EIF2B3: variants seen among roughly 807,000 people sequenced by gnomAD.
EIF2B3 encodes eukaryotic translation initiation factor 2B subunit gamma.
A neutral mutation model predicts 54.1 loss-of-function variants in EIF2B3; 20 were observed. The ratio of observed to expected loss-of-function variants is 0.37; its 90% CI spans 0.26 to 0.54. The LOEUF (loss-of-function observed/expected upper bound fraction) is 0.54. Ranked by LOEUF, EIF2B3 falls within the 20% of genes least tolerant of loss-of-function variation. The pLI is 0.86. For synonymous variants in EIF2B3, 153 were observed against 188.1 expected, an observed-to-expected ratio of 0.81 and a Z score of 1.52; for missense variants, 448 against 547.8, an observed-to-expected ratio of 0.82 and a Z score of 1.82.
intron 5 of EIF2B3, among the ~76,000 whole-genome samples, chr1:44,915,494 TG>T (rs1241336195): frequency 6.6e-6 from 1 of 151,692 alleles, no homozygotes; most frequent in African/African-American, 2.4e-5. Context: ...CCTAAGCAGC[TG>T]GGATTAAAGA....
intron 10 of EIF2B3, among the ~76,000 whole-genome samples, chr1:44,867,616 A>G (rs74073426): frequency 4.6e-5 from 7 of 152,208 alleles, no homozygotes; most frequent in African/African-American, 1.7e-4. Flanking sequence ...GTCTCACTTG[A>G]CTGCAATTTA....
At chr1:44,922,836 ATTTTTTTTT>A (rs386366852) in intron 5 of EIF2B3, among the ~76,000 whole-genome samples, 5 of 56,642 alleles carry the variant, frequency 8.8e-5, no homozygotes, top group South Asian at 9.1e-4. Flanking sequence ...TCTTTTTCAG[ATTTTTTTTT>A]TTTTTTTTTT....
chr1:44,856,921 C>T (rs899011072), intron 11 of EIF2B3, among the ~76,000 whole-genome samples: 1 of 152,212 alleles, frequency 6.6e-6, no homozygotes, highest in Non-Finnish European at 1.5e-5. Context: ...CCTCCTGCCT[C>T]AGCCTCTTGA....
At chr1:44,910,619 C>T (rs1166458810) in intron 5 of EIF2B3, among the ~76,000 whole-genome samples, 2 of 150,142 alleles carry the variant, frequency 1.3e-5, no homozygotes, top group African/African-American at 2.4e-5. Context: ...CTCCCCACCC[C>T]CCCAAGTAAT....
chr1:44,981,978 T>C (rs575074518), intron 1 of EIF2B3, among the ~76,000 whole-genome samples: 22 of 129,854 alleles, frequency 1.7e-4, no homozygotes, highest in African/African-American at 5.8e-4. Context: ...AAAAAGAAAA[T>C]ATTAAAAGAT....
chr1:44,946,726 G>A (rs946360323), intron 3 of EIF2B3, among the ~76,000 whole-genome samples: 1 of 150,012 alleles, frequency 6.7e-6, no homozygotes, highest in Non-Finnish European at 1.5e-5. Flanking sequence ...GCCTCCCAAA[G>A]TGCTGGAATT....
At chr1:44,980,262 A>G (rs570076031) in intron 2 of EIF2B3, among the ~76,000 whole-genome samples, 1 of 152,288 alleles carries the variant, frequency 6.6e-6, no homozygotes, top group East Asian at 1.9e-4. Context: ...CCTGAGATCG[A>G]GACCATTCTA....
In EIF2B3 at chr1:44,874,674, A is replaced by G; in HGVS notation, c.1202+4T>C. ...GCCTCAAGTGGGTACAGGGGGAAACATACCCTTCCTCCACAGTGACTGAGT... is the reference window on the plus strand; with the variant it reads ...GCCTCAAGTGGGTACAGGGGGAAACGTACCCTTCCTCCACAGTGACTGAGT... On this transcript the variant is annotated splice_donor_region_variant and intron_variant, in intron 10 of 11. Coordinates refer to ENST00000360403, the MANE Select transcript of EIF2B3 (RefSeq NM_020365.5). The G allele has an allele frequency of 6.2e-7, 1 of 1,614,116 alleles. No individual in the cohort carries two copies. The highest frequency in any genetic ancestry group is 8.5e-7 in the Non-Finnish European group (1 of 1,179,982).
intron 1 of EIF2B3, among the ~76,000 whole-genome samples, chr1:44,982,332 T>A (rs1644523819): frequency 6.6e-6 from 1 of 152,204 alleles, no homozygotes; most frequent in Non-Finnish European, 1.5e-5. Flanking sequence ...GGAATTTCAC[T>A]CTTGTTGCCA....
intron 3 of EIF2B3, among the ~76,000 whole-genome samples, chr1:44,943,563 G>C (rs1468796771): frequency 4.6e-5 from 7 of 151,656 alleles, no homozygotes; most frequent in African/African-American, 1.7e-4. Flanking sequence ...GGGACTACAG[G>C]CGTGCCCCAC....
intron 10 of EIF2B3, among the ~76,000 whole-genome samples, chr1:44,867,867 T>TAAA (rs768045271): frequency 2.0e-5 from 2 of 99,486 alleles, no homozygotes; most frequent in African/African-American, 7.6e-5. Flanking sequence ...ATTCTGTCTC[T>TAAA]AAAAAAAAAA....
chr1:44,924,291 C>T (rs887818104), intron 5 of EIF2B3, among the ~76,000 whole-genome samples: 1 of 152,012 alleles, frequency 6.6e-6, no homozygotes, highest in African/African-American at 2.4e-5. Context: ...TCACTGATAT[C>T]TCAGACCATT....
intron 1 of EIF2B3, among the ~76,000 whole-genome samples, chr1:44,985,329 C>A (rs1011051316): frequency 2.0e-5 from 3 of 152,182 alleles, no homozygotes; most frequent in African/African-American, 4.8e-5. Flanking sequence ...CATTCCTAAC[C>A]GTTCCCACCC....
At chr1:44,980,984 G>C in intron 2 of EIF2B3, 37 bp downstream of exon 2, 1 of 1,613,176 alleles carries the variant, frequency 6.2e-7, no homozygotes, top group Non-Finnish European at 8.5e-7. Flanking sequence ...TCTCCTAAAA[G>C]TTTTATGAGT....
At chr1:44,854,639 G>C (rs1654383403) in intron 11 of EIF2B3, among the ~76,000 whole-genome samples, 1 of 150,050 alleles carries the variant, frequency 6.7e-6, no homozygotes, top group Non-Finnish European at 1.5e-5. Context: ...CCAAGATGGA[G>C]TGTGATGGCG....
At chr1:44,982,497 C>T (rs1644525469) in intron 1 of EIF2B3, among the ~76,000 whole-genome samples, 2 of 152,080 alleles carry the variant, frequency 1.3e-5, no homozygotes, top group Non-Finnish European at 2.9e-5. Context: ...GGGGTTTCAC[C>T]ATGTTGGCCA....
chr1:44,967,739 CAAAAA>C (rs35067923), intron 3 of EIF2B3, among the ~76,000 whole-genome samples: 1 of 49,542 alleles, frequency 2.0e-5, no homozygotes, highest in Admixed American at 2.5e-4. Flanking sequence ...ATGCTGTCTT[CAAAAA>C]AAAAAAAAAA....
intron 11 of EIF2B3, among the ~76,000 whole-genome samples, chr1:44,855,384 C>T (rs181558950): frequency 5.4e-4 from 82 of 152,266 alleles, no homozygotes; most frequent in Non-Finnish European, 6.6e-4. Flanking sequence ...TTGCAACCAT[C>T]GCACAGAGGC....
intron 3 of EIF2B3, among the ~76,000 whole-genome samples, chr1:44,974,033 T>C (rs1472066942): frequency 3.3e-5 from 5 of 152,072 alleles, no homozygotes; most frequent in Admixed American, 6.6e-5. Context: ...CCCCACATTA[T>C]TGTATTGGAA....
Sources: allele counts gnomAD v4.1 joint callset (sites outside exome capture counted in the v4.1 genomes callset), GRCh38; gene constraint gnomAD v4.1.1; transcripts MANE v1.5; gene names NCBI Gene and HGNC (gene_info 2026-07-23, HGNC 2026-07-21).